The following IK variants were observed in gnomAD, a reference collection of about 807,000 sequenced individuals.
IK encodes the protein IK cytokine.
A neutral mutation model predicts 90.9 loss-of-function variants in IK; 47 were observed. The ratio of observed to expected loss-of-function variants is 0.52; its 90% CI spans 0.41 to 0.66. The LOEUF is 0.66. IK is among the 30% of genes least tolerant of loss of function. The pLI is 0.00. For synonymous variants in IK, 201 were observed against 227.5 expected (o/e 0.88, Z 1.05); for missense variants, 385 against 709.3 (o/e 0.54, Z 5.19).
At position 140,652,157 on chromosome 5, in the gene IK, G is replaced by C; in HGVS notation, c.236+10G>C. On this transcript the variant is annotated intron_variant, in intron 4 of 19. Coordinates refer to ENST00000417647, the MANE Select transcript of IK (RefSeq NM_006083.4). Reference sequence around the variant, plus strand: ...GGAGGAAAAAGAAAAGGTGAAGGAAGGGTGAAGGGTTTTAGATTTTAAGGT... The same window carrying C: ...GGAGGAAAAAGAAAAGGTGAAGGAACGGTGAAGGGTTTTAGATTTTAAGGT... The C allele has an allele frequency of 6.2e-7, 1 of 1,607,982 alleles. No individual in the cohort carries two copies. Among genetic ancestry groups the C allele is most frequent in the Non-Finnish European group, 8.5e-7 (1 of 1,174,438 alleles).
chr5:140,654,574 A>T lies in IK; in HGVS notation c.578A>T (p.Gln193Leu). Reference sequence around the variant, plus strand: ...GAAGAGGAACTGATGGAAAAGCCCCAGAAAGAAACCAAGTAAGTAAATATT... The same window carrying T: ...GAAGAGGAACTGATGGAAAAGCCCCTGAAAGAAACCAAGTAAGTAAATATT... ...KEEEELMEKP[Q>L]KETKKDEDPE... The change falls in exon 7 of 20, where the codon CAG (glutamine) becomes CTG (leucine). Residue 193 changes from glutamine (Q) to leucine (L), a missense_variant. Physicochemically the swap from Gln to Leu is moderately radical, Grantham distance 113. This residue lies in a region of IK where 9 missense variants were observed against 61.8 expected (regional missense o/e 0.15). Coordinates refer to ENST00000417647, the MANE Select transcript of IK (RefSeq NM_006083.4). 1.9e-6 allele frequency: 3 copies of T among 1,588,812 alleles called. No homozygotes were observed. The highest frequency in any genetic ancestry group is 1.8e-5 in the Admixed American group (1 of 55,674).
chr5:140,660,020 T>C lies in IK; in HGVS notation c.1275-95T>C, dbSNP rs185143729. On this transcript the variant is annotated intron_variant, in intron 14 of 19. Transcript: ENST00000417647. ...AACAGCTCACAGCCCACTCAGAATTTTCATGTTGGGGCTTCTAGCCCTTGG... is the reference window on the plus strand; with the variant it reads ...AACAGCTCACAGCCCACTCAGAATTCTCATGTTGGGGCTTCTAGCCCTTGG... The C allele has an allele frequency of 6.4e-4, 719 of 1,130,914 alleles. 2 individuals carry two copies. In the African/African-American group the frequency reaches 9.6e-3, roughly 15 times the overall value. 70.1% of individuals were successfully genotyped at this position (1,130,914 alleles called of 1,614,324 possible). A position where few individuals can be genotyped will look rare whatever the true frequency, so the allele number is the denominator to read the frequency against.
intron 14 of IK, 89 bp from the exon 15 acceptor site, chr5:140,660,026 T>C (rs764549621): frequency 8.6e-7 from 1 of 1,159,290 alleles, no homozygotes; most frequent in Middle Eastern, 2.0e-4. Flanking sequence ...AATTTTCATG[T>C]TGGGGCTTCT....
At chr5:140,648,196 A>C (rs1185972340) in intron 1 of IK, 2 of 704,228 alleles carry the variant, frequency 2.8e-6, no homozygotes, top group Admixed American at 4.0e-5. Flanking sequence ...TCCTGTCCCC[A>C]TACTTAATCC....
Position 140,648,542 on chromosome 5 carries a change from G to A in IK, c.83+5G>A. 6.2e-7 allele frequency: 1 copy of A among 1,613,640 alleles called. No individual in the cohort carries two copies. The highest frequency in any genetic ancestry group is 8.5e-7 in the Non-Finnish European group (1 of 1,179,568). ...TGATCCTCACTCCTTCCACCAGTGA[G>A]TATTTTGTGCTAGGACCATGGAAAT... On this transcript the variant is annotated splice_donor_5th_base_variant and intron_variant, in intron 2 of 19. Coordinates refer to ENST00000417647, the MANE Select transcript of IK (RefSeq NM_006083.4).
At chr5:140,655,709 A>G in intron 8 of IK, 120 bp from the exon 9 acceptor site, 2 of 937,398 alleles carry the variant, frequency 2.1e-6, no homozygotes, top group Middle Eastern at 3.2e-4. Context: ...GGGCTGTTGC[A>G]AAGATTAAAT....
intron 8 of IK, among the ~76,000 whole-genome samples, chr5:140,654,949 A>G (rs771455666): frequency 2.6e-5 from 4 of 151,464 alleles, no homozygotes; most frequent in Non-Finnish European, 5.9e-5. Context: ...AGCTGGCACC[A>G]CAGGCATGTG....
In IK at chr5:140,655,816, C is replaced by T; in HGVS notation, c.638-13C>T. The T allele has an allele frequency of 1.9e-6, 3 of 1,608,174 alleles. No individual in the cohort carries two copies. The highest frequency in any genetic ancestry group is 2.5e-6 in the Non-Finnish European group (3 of 1,177,144). On this transcript the variant is annotated splice_polypyrimidine_tract_variant and intron_variant, in intron 8 of 19. Coordinates refer to ENST00000417647, the MANE Select transcript of IK (RefSeq NM_006083.4). ...TAGATCCTGGCTACTTGCTGCTCTTCTCCTTATTGTAGGCCGCAATGTTTA... is the reference window on the plus strand; with the variant it reads ...TAGATCCTGGCTACTTGCTGCTCTTTTCCTTATTGTAGGCCGCAATGTTTA...
At chr5:140,653,828 C>T (rs1235944222) in intron 5 of IK, 110 bp from the exon 6 acceptor site, 6 of 650,046 alleles carry the variant, frequency 9.2e-6, no homozygotes, top group South Asian at 7.6e-5. Flanking sequence ...TGGTCTCAAA[C>T]TCCTGACCTT....
chr5:140,658,609 C>T (rs949794290), intron 10 of IK, 128 bp from the exon 11 acceptor site: 9 of 772,640 alleles, frequency 1.2e-5, no homozygotes, highest in East Asian at 5.6e-5. Context: ...CGTGAGCCAC[C>T]GCACCCAGCC....
At chr5:140,652,609 C>T (rs754030457) in intron 4 of IK, among the ~76,000 whole-genome samples, 12 of 152,060 alleles carry the variant, frequency 7.9e-5, no homozygotes, top group African/African-American at 2.2e-4. Flanking sequence ...GAGAGTGGAC[C>T]AGCAAATAAT....
rs1375873191 is a variant in IK, at chr5:140,662,300, A to G, written c.1647-2A>G. On this transcript the variant is annotated splice_acceptor_variant, in intron 19 of 19. Coordinates refer to ENST00000417647, the MANE Select transcript of IK (RefSeq NM_006083.4). LOFTEE classifies it high-confidence loss of function. ...ACTGACCCATTTCTCCTTCCATTGC[A>G]GGGTTGAAGTCAAAAGACCAAAATA... The G allele has an allele frequency of 3.1e-6, 5 of 1,613,876 alleles. No homozygotes were observed. The highest frequency in any genetic ancestry group is 1.3e-5 in the African/African-American group (1 of 74,940).
intron 2 of IK, chr5:140,648,755 T>TTTTA: frequency 1.8e-6 from 1 of 542,108 alleles, no homozygotes; most frequent in East Asian, 3.0e-5. Context: ...TTTTTTTTTT[T>TTTTA]TATACGTGTT....
At chr5:140,659,892 C>A (rs181096543) in intron 14 of IK, 58 bp downstream of exon 14, 3 of 1,239,126 alleles carry the variant, frequency 2.4e-6, no homozygotes, top group Admixed American at 2.0e-5. Context: ...TTACTCCAAC[C>A]CCCCCTGCCT....
intron 15 of IK, 95 bp from the exon 16 acceptor site, chr5:140,660,663 C>A: frequency 2.2e-6 from 2 of 921,848 alleles, no homozygotes; most frequent in South Asian, 1.4e-5. Flanking sequence ...AGGGGGTGGT[C>A]ATTCCTATGC....
intron 2 of IK, 100 bp downstream of exon 2, chr5:140,648,637 G>A (rs750909343): frequency 5.7e-6 from 7 of 1,220,110 alleles, no homozygotes; most frequent in Non-Finnish European, 8.5e-6. Flanking sequence ...ATCAAGGATG[G>A]TAAAAAATTA....
rs1554104199 is a variant in IK at position 140,648,042 on chromosome 5, G to GTA, written c.16+119_16+120insAT. On this transcript the variant is annotated intron_variant, in intron 1 of 19. Transcript: ENST00000417647. ...TGTGTGTGTGTGTGTGTGTGTGTGTGTGTATGTATGTATGTGTGACGCTTG... is the reference window on the plus strand; with the variant it reads ...TGTGTGTGTGTGTGTGTGTGTGTGTGTATGTATGTATGTATGTGTGACGCTTG... 2.6e-4 allele frequency: 122 copies of GTA among 471,460 alleles called. 1 individual carries two copies. Among genetic ancestry groups the GTA allele is most frequent in the Admixed American group, 9.2e-4 (24 of 25,952 alleles). 29.2% of individuals were successfully genotyped at this position (471,460 alleles called of 1,614,324 possible).
rs1757627135 is a variant in IK at position 140,652,292 on chromosome 5, A to G, written c.236+145A>G. The G allele has an allele frequency of 1.4e-5, 9 of 642,846 alleles. No individual in the cohort carries two copies. In the South Asian group the frequency reaches 1.8e-4, roughly 13 times the overall value. 39.8% of individuals were successfully genotyped at this position (642,846 alleles called of 1,614,324 possible). On this transcript the variant is annotated intron_variant, in intron 4 of 19. Transcript: ENST00000417647. ...GAAACAGAGTGATACTTAGAGTGGC[A>G]GTAGAGGGCTTTGGAATAGGCCTAT... is the stretch of plus-strand genomic sequence containing the variant.
At chr5:140,660,288 A>G (rs537041985) in intron 15 of IK, 93 bp downstream of exon 15, 23 of 398,158 alleles carry the variant, frequency 5.8e-5, no homozygotes, top group East Asian at 4.2e-4. Flanking sequence ...TCCCAGGGCT[A>G]CTTCTTTTTT....
Sources: gnomAD v4.1 joint callset for allele counts (sites outside exome capture counted in the v4.1 genomes callset) on GRCh38, gnomAD v4.1.1 for gene constraint, gnomAD v4.1.1 regional missense constraint, MANE v1.5 for transcripts, NCBI Gene and HGNC (gene_info 2026-07-23, HGNC 2026-07-21) for gene names.